The following CSTPP1 variants were observed in gnomAD, a reference collection of about 807,000 sequenced individuals.
The protein encoded by CSTPP1 is UPF0705 protein C11orf49.
the CSTPP1 span, among the ~76,000 whole-genome samples, chr11:47,092,853 T>C: frequency 1.3e-5 from 2 of 152,222 alleles, no homozygotes; most frequent in Non-Finnish European, 2.9e-5. Context: ...GTTTTCATGA[T>C]ACTGACTTCT....
the CSTPP1 span, among the ~76,000 whole-genome samples, chr11:46,990,109 G>A: frequency 1.3e-5 from 2 of 152,018 alleles, no homozygotes; most frequent in East Asian, 1.9e-4. Context: ...ATGAATGTAC[G>A]AGTGCATGGG....
the CSTPP1 span, among the ~76,000 whole-genome samples, chr11:47,021,086 CT>C: frequency 2.0e-5 from 3 of 152,194 alleles, no homozygotes; most frequent in African/African-American, 7.2e-5. Flanking sequence ...CTGGCAAGAG[CT>C]TACTACTTTG....
At chr11:46,941,426 G>A in the CSTPP1 span, among the ~76,000 whole-genome samples, 2 of 151,950 alleles carry the variant, frequency 1.3e-5, no homozygotes, top group East Asian at 1.9e-4. Flanking sequence ...TCCAACCTCC[G>A]CCTCCAGGGT....
the CSTPP1 span, among the ~76,000 whole-genome samples, chr11:47,101,195 ATTTTT>A: frequency 6.9e-5 from 4 of 58,258 alleles, no homozygotes; most frequent in African/African-American, 2.9e-4. Context: ...TTTTTATTTT[ATTTTT>A]AGTAGAGATG....
the CSTPP1 span, among the ~76,000 whole-genome samples, chr11:46,986,161 G>A: frequency 2.0e-5 from 3 of 152,186 alleles, no homozygotes; most frequent in Non-Finnish European, 4.4e-5. Flanking sequence ...GAAGAAAACA[G>A]GTGTAGACTA....
chr11:47,161,449 TCTTCC>T, the CSTPP1 span: 5 of 1,612,868 alleles, frequency 3.1e-6, no homozygotes, highest in Non-Finnish European at 4.2e-6. Context: ...CCTCCAGGCT[TCTTCC>T]CTTCTTCAGG....
chr11:47,111,959 T>C, the CSTPP1 span, among the ~76,000 whole-genome samples: 1 of 152,178 alleles, frequency 6.6e-6, no homozygotes, highest in Non-Finnish European at 1.5e-5. Flanking sequence ...GGCCCATTAT[T>C]TCTCTAACCT....
the CSTPP1 span, chr11:46,987,298 T>C: frequency 6.2e-7 from 1 of 1,613,826 alleles, no homozygotes. Flanking sequence ...ATTGCCAGGT[T>C]CTTCACTGAA....
the CSTPP1 span, chr11:47,103,824 G>A: frequency 1.3e-5 from 2 of 151,684 alleles, no homozygotes; most frequent in Admixed American, 1.3e-4. Flanking sequence ...ACAGGTATGT[G>A]TTACCACGCC....
chr11:47,068,062 C>G, the CSTPP1 span, among the ~76,000 whole-genome samples: 3 of 151,748 alleles, frequency 2.0e-5, no homozygotes. Context: ...TTATGTCAAT[C>G]AGGAAACTTT....
At chr11:47,041,096 C>T in the CSTPP1 span, 1 of 190,356 alleles carries the variant, frequency 5.3e-6, no homozygotes, top group South Asian at 5.6e-5. Flanking sequence ...GCCCCCTGCA[C>T]CTCATGGGGA....
At chr11:47,014,247 AAAGG>A in the CSTPP1 span, among the ~76,000 whole-genome samples, 4 of 151,160 alleles carry the variant, frequency 2.6e-5, no homozygotes, top group Admixed American at 1.3e-4. Context: ...AGGAAGGAAG[AAAGG>A]AAGGAAGGAG....
At chr11:47,159,760 C>T in the CSTPP1 span, 1 of 453,544 alleles carries the variant, frequency 2.2e-6, no homozygotes. Flanking sequence ...AATCCCAACA[C>T]TTTGGGAGGC....
At chr11:47,016,382 G>T in the CSTPP1 span, among the ~76,000 whole-genome samples, 1 of 121,682 alleles carries the variant, frequency 8.2e-6, no homozygotes, top group African/African-American at 3.1e-5. Context: ...AAAAGCCTAT[G>T]GAATCTACAA....
chr11:47,052,805 T>C, the CSTPP1 span: 1 of 233,042 alleles, frequency 4.3e-6, no homozygotes, highest in African/African-American at 2.3e-5. Context: ...AGTAACTCAT[T>C]TATCTTTACA....
At chr11:46,958,847 T>G in the CSTPP1 span, among the ~76,000 whole-genome samples, 2 of 152,198 alleles carry the variant, frequency 1.3e-5, no homozygotes, top group African/African-American at 2.4e-5. Context: ...CAGGGCAAGA[T>G]GAGAGGGAGA....
the CSTPP1 span, among the ~76,000 whole-genome samples, chr11:46,956,676 A>AT: frequency 0.038 from 5,748 of 151,036 alleles, 334 homozygotes; most frequent in African/African-American, 0.13. Context: ...ATTAAAAACA[A>AT]TTTTTTTTTG....
the CSTPP1 span, among the ~76,000 whole-genome samples, chr11:46,960,286 A>G: frequency 6.6e-6 from 1 of 152,142 alleles, no homozygotes; most frequent in Non-Finnish European, 1.5e-5. Context: ...TTAGTATACT[A>G]TGCATGACGC....
At chr11:47,081,330 AC>A in the CSTPP1 span, among the ~76,000 whole-genome samples, 1 of 152,206 alleles carries the variant, frequency 6.6e-6, no homozygotes, top group Non-Finnish European at 1.5e-5. Context: ...ATAATGAGAT[AC>A]CAGCCTCGTT....
Sources: gnomAD v4.1 joint callset for allele counts (sites outside exome capture counted in the v4.1 genomes callset) on GRCh38, gnomAD v4.1.1 for gene constraint, MANE v1.5 for transcripts, NCBI Gene and HGNC (gene_info 2026-07-23, HGNC 2026-07-21) for gene names.